Variants in NAPG observed in about 807,000 individuals in gnomAD.
NAPG encodes NSF attachment protein gamma.
Under a neutral mutation model 48.4 loss-of-function variants are expected in NAPG, and 25 were observed. That is an observed-to-expected ratio of 0.52 (90% CI 0.38 to 0.72). The LOEUF is 0.72. Among genes scored for constraint, NAPG ranks in the 30% least tolerant of loss-of-function variants. NAPG has a pLI of 0.00. For missense variants in NAPG, 359 were observed against 372.5 expected (o/e 0.96, Z 0.30); for synonymous variants, 139 against 127.2 (o/e 1.09, Z -0.62).
Position 10,544,133 on chromosome 18 carries a change from G to A in NAPG, c.507-2193G>A, listed in dbSNP as rs2032212755. Among the ~76,000 whole-genome samples, 1 of 152,234 alleles carries A rather than the reference G, an allele frequency of 6.6e-6. No homozygotes were observed. Among genetic ancestry groups the A allele is most frequent in the South Asian group, 2.1e-4 (1 of 4,834 alleles). ...TAATTTATTTTATAAAACAGGATCT[G>A]TTATAAGCTCAGGGTCACAATTATA... On this transcript the variant is annotated intron_variant, in intron 8 of 11. Transcript: ENST00000322897. This position sits in a 1 kb window ranked among gnomAD's most constrained non-coding sequence, Gnocchi z 5.1.
Position 10,534,707 on chromosome 18 carries a change from G to A in NAPG, c.258+211G>A, listed in dbSNP as rs1954675610. 6.6e-6 allele frequency among the ~76,000 whole-genome samples: 1 copy of A among 152,172 alleles called. No homozygotes were observed. The highest frequency in any genetic ancestry group is 1.5e-5 in the Non-Finnish European group (1 of 68,004). ...TTAAAAGTGAAATTTAAGAGAAAATGTATTGGAGTGAACTGGGAACACTAA... is the reference window on the plus strand; with the variant it reads ...TTAAAAGTGAAATTTAAGAGAAAATATATTGGAGTGAACTGGGAACACTAA... On this transcript the variant is annotated intron_variant, in intron 5 of 11. Transcript: ENST00000322897. The surrounding 1 kb of genome is among the most constrained non-coding windows in gnomAD (Gnocchi z 5.0).
rs1598414763 is a variant in NAPG at position 10,552,429 on chromosome 18, G to A, written c.*2209G>A. On this transcript the variant is annotated 3_prime_UTR_variant, in exon 12 of 12. Transcript: ENST00000322897. Reference sequence around the variant, plus strand: ...ACTCACGTAAGTTTCTATCTTGAGAGCATAGTCCAAAGTGCAAAACTTGGT... The same window carrying A: ...ACTCACGTAAGTTTCTATCTTGAGAACATAGTCCAAAGTGCAAAACTTGGT... The A allele has an allele frequency of 6.6e-6, 1 of 152,318 alleles. No homozygotes were observed. Among genetic ancestry groups the A allele is most frequent in the Admixed American group, 6.5e-5 (1 of 15,292 alleles). 9.4% of individuals were successfully genotyped at this position (152,318 alleles called of 1,614,324 possible).
chr18:10,548,197 C>A lies in NAPG; in HGVS notation c.586-102C>A. The A allele has an allele frequency of 1.2e-6, 1 of 808,724 alleles. No individual in the cohort carries two copies. The highest frequency in any genetic ancestry group is 1.5e-5 in the South Asian group (1 of 65,226). The allele number at this position is 808,724 out of a possible 1,614,324, so 50.1% of individuals were successfully genotyped here. A position where few individuals can be genotyped will look rare whatever the true frequency, so the allele number is the denominator to read the frequency against. On this transcript the variant is annotated intron_variant, in intron 9 of 11. Coordinates refer to ENST00000322897, the MANE Select transcript of NAPG (RefSeq NM_003826.3). This position sits in a 1 kb window ranked among gnomAD's most constrained non-coding sequence, Gnocchi z 4.4. ...ATTTATAAATCTCTGTTTATACAAA[C>A]AAAGACTCTGAAAGTTAAACTCCAG... is the stretch of plus-strand genomic sequence containing the variant.
chr18:10,532,914 G>A, intron 3 of NAPG, 119 bp downstream of exon 3: 2 of 883,016 alleles, frequency 2.3e-6, no homozygotes, highest in Non-Finnish European at 1.7e-6. Context: ...ATTAGAAAAT[G>A]ATTAGAAAAA....
rs1242397859 is a variant in NAPG, at chr18:10,544,928, C to T, written c.507-1398C>T. 3.9e-5 allele frequency among the ~76,000 whole-genome samples: 6 copies of T among 152,158 alleles called. No homozygotes were observed. The highest frequency in any genetic ancestry group is 1.2e-4 in the African/African-American group (5 of 41,416). ...CATCCCATAAAGATTCAGTTTAACT[C>T]ATGATGTAAGTAGCCATAATAGCAT... On this transcript the variant is annotated intron_variant, in intron 8 of 11. Coordinates refer to ENST00000322897, the MANE Select transcript of NAPG (RefSeq NM_003826.3). The surrounding 1 kb of genome is among the most constrained non-coding windows in gnomAD (Gnocchi z 5.1).
In NAPG at chr18:10,534,329, TA is replaced by T; in HGVS notation, c.228-135del. 1.8e-6 allele frequency: 1 copy of T among 561,120 alleles called. No homozygotes were observed. The highest frequency in any genetic ancestry group is 3.2e-6 in the Non-Finnish European group (1 of 308,916). The allele number at this position is 561,120 out of a possible 1,614,324, so 34.8% of individuals were successfully genotyped here. A position where few individuals can be genotyped will look rare whatever the true frequency, so the allele number is the denominator to read the frequency against. ...TAAAAAATTATATTGTGTGGTAATA[TA>T]AGCCTGAAGTGATATGTTGTGCATG... On this transcript the variant is annotated intron_variant, in intron 4 of 11. Transcript: ENST00000322897. This position sits in a 1 kb window ranked among gnomAD's most constrained non-coding sequence, Gnocchi z 5.0.
chr18:10,528,878 A>G (rs1024649725), intron 1 of NAPG, among the ~76,000 whole-genome samples: 3 of 152,200 alleles, frequency 2.0e-5, no homozygotes, highest in Admixed American at 1.3e-4. Context: ...AGCTTAGGAG[A>G]TATTTGATTT....
rs1291202309 is a variant in NAPG, at chr18:10,544,227, A to G, written c.507-2099A>G. Among the ~76,000 whole-genome samples, 2 of 152,210 alleles carry G rather than the reference A, an allele frequency of 1.3e-5. No individual in the cohort carries two copies. Among genetic ancestry groups the G allele is most frequent in the Non-Finnish European group, 2.9e-5 (2 of 68,038 alleles). On this transcript the variant is annotated intron_variant, in intron 8 of 11. Transcript: ENST00000322897. This position sits in a 1 kb window ranked among gnomAD's most constrained non-coding sequence, Gnocchi z 5.1. ...TTTTATTTCTGCATAGCAGATTGCTACAAACTTAGCAGCTTAAAACAGTAC... is the reference window on the plus strand; with the variant it reads ...TTTTATTTCTGCATAGCAGATTGCTGCAAACTTAGCAGCTTAAAACAGTAC...
In NAPG at chr18:10,546,057, T is replaced by G. The variant is rs1567893706; in HGVS notation, c.507-269T>G. ...GTGACACTCGCTATTGGACAGTCCT[T>G]ACTAAGCTTAAAACTCCCCGTTTGA... On this transcript the variant is annotated intron_variant, in intron 8 of 11. Transcript: ENST00000322897. This position sits in a 1 kb window ranked among gnomAD's most constrained non-coding sequence, Gnocchi z 4.0. Among the ~76,000 whole-genome samples, 1 of 152,192 alleles carries G rather than the reference T, an allele frequency of 6.6e-6. No individual in the cohort carries two copies. Among genetic ancestry groups the G allele is most frequent in the Non-Finnish European group, 1.5e-5 (1 of 68,034 alleles).
In NAPG at chr18:10,546,364, A is replaced by G; in HGVS notation, c.545A>G (p.Asn182Ser). ...EAALSIQKEKNIYKEIENYPT... is the reference protein window; with the variant it reads ...EAALSIQKEKSIYKEIENYPT... Reference sequence around the variant, plus strand: ...GCACTCTCTATTCAGAAAGAAAAAAATATTTATAAGGAAATTGAGAATTAT... The same window carrying G: ...GCACTCTCTATTCAGAAAGAAAAAAGTATTTATAAGGAAATTGAGAATTAT... Residue 182 changes from asparagine (N) to serine (S), a missense_variant, in exon 9 of 12, where the codon AAT (asparagine) becomes AGT (serine). Asn to Ser is a conservative substitution (Grantham distance 46, BLOSUM62 1). Coordinates refer to ENST00000322897, the MANE Select transcript of NAPG (RefSeq NM_003826.3). The surrounding 1 kb of genome is among the most constrained non-coding windows in gnomAD (Gnocchi z 4.0). 1 of 1,578,796 alleles carries G rather than the reference A, an allele frequency of 6.3e-7. No individual in the cohort carries two copies. The highest frequency in any genetic ancestry group is 8.6e-7 in the Non-Finnish European group (1 of 1,158,438).
chr18:10,526,404 G>T lies in NAPG; in HGVS notation c.56+246G>T, dbSNP rs903397232. ...CGGAAGTCCGCTCCCCAGAGCCGGT[G>T]TGGGCGGGGACTCGGCGCAGTGCTG... On this transcript the variant is annotated intron_variant, in intron 1 of 11. Transcript: ENST00000322897. The T allele has an allele frequency of 5.6e-6, 3 of 534,220 alleles. No homozygotes were observed. The African/African-American group carries it at 6.1e-5, about 11-fold the overall frequency. The allele number at this position is 534,220 out of a possible 1,614,324, so 33.1% of individuals were successfully genotyped here.
Position 10,534,767 on chromosome 18 carries a change from T to G in NAPG, c.258+271T>G, listed in dbSNP as rs150130374. On this transcript the variant is annotated intron_variant, in intron 5 of 11. Coordinates refer to ENST00000322897, the MANE Select transcript of NAPG (RefSeq NM_003826.3). This position sits in a 1 kb window ranked among gnomAD's most constrained non-coding sequence, Gnocchi z 5.0. ...CTCTATAACCAGGATAGATGTGTATTGCTATAAAAAGAGCTCTATGGGAAG... is the reference window on the plus strand; with the variant it reads ...CTCTATAACCAGGATAGATGTGTATGGCTATAAAAAGAGCTCTATGGGAAG... Among the ~76,000 whole-genome samples the G allele has an allele frequency of 3.1e-3, 467 of 152,344 alleles. 2 individuals are homozygous for G. Among genetic ancestry groups the G allele is most frequent in the African/African-American group, 0.01 (417 of 41,586 alleles).
chr18:10,538,759 G>T (rs1443143502), intron 5 of NAPG, among the ~76,000 whole-genome samples: 1 of 152,010 alleles, frequency 6.6e-6, no homozygotes, highest in Non-Finnish European at 1.5e-5. Context: ...GCTATACAAT[G>T]TATTTGAGTC....
At chr18:10,527,173 G>GC (rs1425882376) in intron 1 of NAPG, among the ~76,000 whole-genome samples, 10 of 138,924 alleles carry the variant, frequency 7.2e-5, no homozygotes, top group African/African-American at 2.8e-4. Context: ...GGGCCACAGA[G>GC]CGAGACTCCG....
intron 1 of NAPG, 80 bp downstream of exon 1, chr18:10,526,238 G>GCCCTCCCCCC: frequency 1.2e-6 from 1 of 858,068 alleles, no homozygotes; most frequent in East Asian, 3.3e-5. Flanking sequence ...CCCGGGGGGG[G>GCCCTCCCCCC]CGGGAGGGAG....
At position 10,532,857 on chromosome 18, in the gene NAPG, T is replaced by A; in HGVS notation, c.209+62T>A. ...TAGATGATTTTGACAAGCTGTTTTC[T>A]CTTGCTGTAAATTTACTTTACTACC... On this transcript the variant is annotated intron_variant, in intron 3 of 11. Coordinates refer to ENST00000322897, the MANE Select transcript of NAPG (RefSeq NM_003826.3). The A allele has an allele frequency of 2.2e-6, 3 of 1,378,162 alleles. No individual in the cohort carries two copies. The Admixed American group carries it at 7.0e-5, about 32-fold the overall frequency. 85.4% of individuals were successfully genotyped at this position (1,378,162 alleles called of 1,614,324 possible).
Position 10,548,151 on chromosome 18 carries a change from TC to T in NAPG, c.586-145del, listed in dbSNP as rs761363917. The T allele has an allele frequency of 1.3e-4, 77 of 604,020 alleles. No homozygotes were observed. The highest frequency in any genetic ancestry group is 2.0e-4 in the Non-Finnish European group (70 of 343,386). The allele number at this position is 604,020 out of a possible 1,614,324, so 37.4% of individuals were successfully genotyped here. A position where few individuals can be genotyped will look rare whatever the true frequency, so the allele number is the denominator to read the frequency against. ...GTTCTAGGATATTTCCCCTCAGGTG[TC>T]CCGTGGAAGTTACTATAGCATTTAT... On this transcript the variant is annotated intron_variant, in intron 9 of 11. Transcript: ENST00000322897. The surrounding 1 kb of genome is among the most constrained non-coding windows in gnomAD (Gnocchi z 4.4).
intron 8 of NAPG, 64 bp downstream of exon 8, chr18:10,540,463 A>T: frequency 7.1e-7 from 1 of 1,409,022 alleles, no homozygotes; most frequent in Non-Finnish European, 1.0e-6. Context: ...TGGAACTGGA[A>T]AGTAATTTGG....
Position 10,539,989 on chromosome 18 carries a change from C to T in NAPG, c.370C>T (p.Leu124Phe). The change falls in exon 7 of 12, where the codon CTT becomes TTT. Residue 124 changes from leucine (L) to phenylalanine (F), a missense_variant and splice_region_variant. Leu to Phe is a conservative substitution (Grantham distance 22). Transcript: ENST00000322897. The surrounding 1 kb of genome is among the most constrained non-coding windows in gnomAD (Gnocchi z 4.7). Reference protein sequence around the residue: ...AAMALERAGKLIENVDPEKAV... With the variant: ...AAMALERAGKFIENVDPEKAV... Reference sequence around the variant, plus strand: ...GACATGTTTTCTTGTCTGATTCAGGCTTATAGAAAATGTTGATCCAGAGAA... The same window carrying T: ...GACATGTTTTCTTGTCTGATTCAGGTTTATAGAAAATGTTGATCCAGAGAA... The T allele has an allele frequency of 2.5e-6, 4 of 1,603,812 alleles. No individual in the cohort carries two copies. Among genetic ancestry groups the T allele is most frequent in the Non-Finnish European group, 2.6e-6 (3 of 1,174,346 alleles).
Sources: allele counts gnomAD v4.1 joint callset (sites outside exome capture counted in the v4.1 genomes callset), GRCh38; gene constraint gnomAD v4.1.1; non-coding constraint Gnocchi (gnomAD v3.1); transcripts MANE v1.5; gene names NCBI Gene and HGNC (gene_info 2026-07-23, HGNC 2026-07-21).